AGMO: variants seen among roughly 807,000 people sequenced by gnomAD.
The protein encoded by AGMO is alkylglycerol monooxygenase.
In AGMO, 75 loss-of-function variants were observed where a neutral mutation model predicts 60.2. That is an observed-to-expected ratio of 1.25 (90% CI 1.03 to 1.51). The LOEUF is 1.51. AGMO is among the 40% of genes most tolerant of loss of function. AGMO has a pLI of 0.00. For synonymous variants in AGMO, 261 were observed against 177.1 expected (o/e 1.47, Z -3.76); for missense variants, 763 against 525.5 (o/e 1.45, Z -4.42).
chr7:15,373,443 A>G (rs1187928036), intron 10 of AGMO, among the ~76,000 whole-genome samples: 2 of 152,180 alleles, frequency 1.3e-5, no homozygotes, highest in African/African-American at 4.8e-5. Flanking sequence ...TAACAACACA[A>G]AAACAGCAGA....
At chr7:15,506,063 T>A (rs1326667127) in intron 3 of AGMO, among the ~76,000 whole-genome samples, 1 of 152,066 alleles carries the variant, frequency 6.6e-6, no homozygotes, top group East Asian at 1.9e-4. Context: ...AACATTCATT[T>A]ACATTTGAAC....
chr7:15,157,245 A>C, the AGMO span, among the ~76,000 whole-genome samples: 1 of 152,176 alleles, frequency 6.6e-6, no homozygotes, highest in Non-Finnish European at 1.5e-5. Context: ...TTATCAAATG[A>C]GGAAGGACCA....
chr7:15,317,816 AGATATT>A (rs2128535928), intron 12 of AGMO, among the ~76,000 whole-genome samples: 1 of 151,120 alleles, frequency 6.6e-6, no homozygotes, highest in South Asian at 2.1e-4. Flanking sequence ...CCACTAGAAG[AGATATT>A]GAAAGGTTTA....
chr7:15,257,001 T>C (rs1257407024), intron 12 of AGMO, among the ~76,000 whole-genome samples: 1 of 152,232 alleles, frequency 6.6e-6, no homozygotes, highest in Non-Finnish European at 1.5e-5. Context: ...GGTGCATTTC[T>C]TTTATAAGTC....
intron 12 of AGMO, among the ~76,000 whole-genome samples, chr7:15,236,171 A>G (rs891998165): frequency 6.6e-6 from 1 of 152,178 alleles, no homozygotes; most frequent in Non-Finnish European, 1.5e-5. Context: ...CATTGCAATG[A>G]TTCTGTAACT....
chr7:15,449,024 T>C (rs1331568389), intron 3 of AGMO, among the ~76,000 whole-genome samples: 1 of 152,130 alleles, frequency 6.6e-6, no homozygotes, highest in Non-Finnish European at 1.5e-5. Flanking sequence ...TGGCATTCTT[T>C]CCGGAGTTAT....
At chr7:15,325,897 A>G (rs369581907) in intron 12 of AGMO, among the ~76,000 whole-genome samples, 1 of 152,068 alleles carries the variant, frequency 6.6e-6, no homozygotes, top group East Asian at 1.9e-4. Context: ...GTCCCCTTTA[A>G]TGACAAAAAG....
At chr7:15,530,331 C>T (rs867874639) in intron 3 of AGMO, among the ~76,000 whole-genome samples, 28 of 65,736 alleles carry the variant, frequency 4.3e-4, no homozygotes, top group South Asian at 9.6e-4. Context: ...TACGTATTTC[C>T]ATATATATTC....
At chr7:15,255,612 T>TAACAAAATA (rs1013997290) in intron 12 of AGMO, among the ~76,000 whole-genome samples, 3 of 151,666 alleles carry the variant, frequency 2.0e-5, no homozygotes, top group African/African-American at 7.3e-5. Context: ...CCGGAATTCT[T>TAACAAAATA]AACAAAATAT....
chr7:15,173,457 T>TA, the AGMO span, among the ~76,000 whole-genome samples: 1 of 152,252 alleles, frequency 6.6e-6, no homozygotes. Context: ...TCTTAAATAG[T>TA]ATGAGCAAGA....
downstream of AGMO, among the ~76,000 whole-genome samples, chr7:15,196,341 G>A (rs866077671): frequency 7.9e-5 from 12 of 152,006 alleles, no homozygotes; most frequent in African/African-American, 2.7e-4. Flanking sequence ...GAGCCACCAC[G>A]CCCGGCTGGC....
intron 12 of AGMO, among the ~76,000 whole-genome samples, chr7:15,352,733 A>G (rs554747938): frequency 7.9e-5 from 12 of 151,230 alleles, no homozygotes; most frequent in Non-Finnish European, 1.5e-4. Context: ...CCAAATATCC[A>G]TGCGCCTTTT....
chr7:15,148,248 A>AT, the AGMO span, among the ~76,000 whole-genome samples: 2 of 152,128 alleles, frequency 1.3e-5, no homozygotes, highest in African/African-American at 4.8e-5. Context: ...TAAATCTCTT[A>AT]TGAGTAAAAT....
rs534478569 is a variant in AGMO at position 15,380,258 on chromosome 7, A to C, written c.1074+5188T>G. Among the ~76,000 whole-genome samples, 3 of 152,258 alleles carry C rather than the reference A, an allele frequency of 2.0e-5. No homozygotes were observed. In the South Asian group the frequency reaches 6.2e-4, roughly 32 times the overall value. ...AGACGACATGATCCTCTACCTAGAA[A>C]ACCCCATGGTGTCAACCCAAAAGCT... On this transcript the variant is annotated intron_variant, in intron 10 of 12. Coordinates refer to ENST00000342526, the MANE Select transcript of AGMO (RefSeq NM_001004320.2).
At chr7:15,327,668 G>C (rs556116245) in intron 12 of AGMO, among the ~76,000 whole-genome samples, 1 of 151,582 alleles carries the variant, frequency 6.6e-6, no homozygotes, top group African/African-American at 2.4e-5. Flanking sequence ...TTACGTTGAG[G>C]GTATATGTAA....
intron 8 of AGMO, among the ~76,000 whole-genome samples, 192 bp from the exon 9 acceptor site, chr7:15,387,732 CGTT>C (rs1040093843): frequency 2.0e-5 from 3 of 151,962 alleles, no homozygotes; most frequent in East Asian, 3.9e-4. Flanking sequence ...CCATTAAGTG[CGTT>C]GTTGTCAATA....
At chr7:15,279,082 C>A (rs1270809574) in intron 12 of AGMO, among the ~76,000 whole-genome samples, 1 of 152,162 alleles carries the variant, frequency 6.6e-6, no homozygotes, top group Non-Finnish European at 1.5e-5. Flanking sequence ...TGAGATGCCA[C>A]ATGACCTTGA....
chr7:15,376,380 T>C lies in AGMO; in HGVS notation c.1074+9066A>G, dbSNP rs571452591. Among the ~76,000 whole-genome samples the C allele has an allele frequency of 3.6e-4, 40 of 110,580 alleles. 2 individuals are homozygous for C. The South Asian group carries it at 6.3e-3, about 17-fold the overall frequency. 72.5% of individuals were successfully genotyped at this position (110,580 alleles called of 152,430 possible). A position where few individuals can be genotyped will look rare whatever the true frequency, so the allele number is the denominator to read the frequency against. ...AGAGTCGACCAAAATATATTGATTTTTTTACAGGTTTTTTTCAGCAGCTTT... is the reference window on the plus strand; with the variant it reads ...AGAGTCGACCAAAATATATTGATTTCTTTACAGGTTTTTTTCAGCAGCTTT... On this transcript the variant is annotated intron_variant, in intron 10 of 12. Coordinates refer to ENST00000342526, the MANE Select transcript of AGMO (RefSeq NM_001004320.2).
At chr7:15,502,104 T>A in intron 3 of AGMO, among the ~76,000 whole-genome samples, 1 of 152,058 alleles carries the variant, frequency 6.6e-6, no homozygotes, top group South Asian at 2.1e-4. Context: ...GTGGGCATTT[T>A]TTTCCTCATC....
Sources: allele counts gnomAD v4.1 joint callset (sites outside exome capture counted in the v4.1 genomes callset), GRCh38; gene constraint gnomAD v4.1.1; transcripts MANE v1.5; gene names NCBI Gene and HGNC (gene_info 2026-07-23, HGNC 2026-07-21).